NAALADL2: variants seen among roughly 807,000 people sequenced by gnomAD.
NAALADL2 encodes the protein N-acetylated alpha-linked acidic dipeptidase like 2.
In NAALADL2, 76 loss-of-function variants were observed where a neutral mutation model predicts 87.2. That is an observed-to-expected ratio of 0.87 (90% CI 0.72 to 1.05). The LOEUF is 1.05. Among genes scored for constraint, NAALADL2 ranks in the 50% least tolerant of loss-of-function variants. NAALADL2 has a pLI of 0.00. For synonymous variants in NAALADL2, 354 were observed against 331.0 expected (o/e 1.07, Z -0.75); for missense variants, 1,089 against 945.8 (o/e 1.15, Z -1.99).
At chr3:175,610,918 A>T (rs553106945) in intron 10 of NAALADL2, among the ~76,000 whole-genome samples, 20 of 152,096 alleles carry the variant, frequency 1.3e-4, no homozygotes, top group South Asian at 6.2e-4. Flanking sequence ...TATGATGAAA[A>T]TACAGTATGC....
At chr3:175,686,123 TA>T (rs1736262386) in intron 11 of NAALADL2, among the ~76,000 whole-genome samples, 1 of 152,212 alleles carries the variant, frequency 6.6e-6, no homozygotes, top group South Asian at 2.1e-4. Context: ...TGAATCCTAT[TA>T]AAAACTGATT....
At chr3:175,685,817 A>G (rs1248724701) in intron 11 of NAALADL2, among the ~76,000 whole-genome samples, 2 of 152,138 alleles carry the variant, frequency 1.3e-5, no homozygotes, top group Admixed American at 6.6e-5. Flanking sequence ...AGGAAGAGTC[A>G]GTCTTCTTGT....
At chr3:175,069,199 G>T (rs1016228317) in intron 1 of NAALADL2, among the ~76,000 whole-genome samples, 23 of 149,306 alleles carry the variant, frequency 1.5e-4, no homozygotes, top group Non-Finnish European at 2.9e-4. Flanking sequence ...CACAGCAAAA[G>T]AAACTACCAT....
At chr3:175,682,853 C>G (rs550689217) in intron 11 of NAALADL2, among the ~76,000 whole-genome samples, 1 of 152,070 alleles carries the variant, frequency 6.6e-6, no homozygotes, top group South Asian at 2.1e-4. Context: ...CATTCTTATT[C>G]TTTTATAAAA....
At chr3:174,908,810 C>A (rs940784428) in intron 1 of NAALADL2, among the ~76,000 whole-genome samples, 1 of 151,874 alleles carries the variant, frequency 6.6e-6, no homozygotes, top group Non-Finnish European at 1.5e-5. Flanking sequence ...TTTTTACAAC[C>A]AATTATTAGA....
intron 5 of NAALADL2, among the ~76,000 whole-genome samples, chr3:175,394,242 A>C (rs950966267): frequency 1.3e-5 from 2 of 152,216 alleles, no homozygotes; most frequent in Admixed American, 1.3e-4. Context: ...GATGAAAAAA[A>C]AGTCGGTTAA....
chr3:175,321,016 G>A (rs533133238), intron 4 of NAALADL2, among the ~76,000 whole-genome samples: 13 of 151,558 alleles, frequency 8.6e-5, no homozygotes, highest in East Asian at 5.9e-4. Context: ...TACCAAAGCC[G>A]GGCAGAGACA....
intron 3 of NAALADL2, among the ~76,000 whole-genome samples, chr3:174,816,850 C>G (rs970855308): frequency 6.6e-6 from 1 of 152,150 alleles, no homozygotes; most frequent in Non-Finnish European, 1.5e-5. Flanking sequence ...ATTTCTAAAA[C>G]CAGCTCAATG....
At chr3:174,675,485 G>A (rs1007428918) in intron 2 of NAALADL2, among the ~76,000 whole-genome samples, 2 of 151,984 alleles carry the variant, frequency 1.3e-5, no homozygotes, top group Admixed American at 1.3e-4. Context: ...GGCAACATAG[G>A]CTTTGCTGCA....
At chr3:175,721,897 A>C (rs1417798506) in intron 11 of NAALADL2, among the ~76,000 whole-genome samples, 1 of 152,086 alleles carries the variant, frequency 6.6e-6, no homozygotes, top group Non-Finnish European at 1.5e-5. Flanking sequence ...AATGCATTAT[A>C]ATAAAGTGTC....
chr3:174,939,237 C>T (rs954717798), intron 1 of NAALADL2, among the ~76,000 whole-genome samples: 3 of 152,050 alleles, frequency 2.0e-5, no homozygotes, highest in African/African-American at 7.2e-5. Context: ...CCAGTTATCC[C>T]AGCACCATTT....
chr3:174,845,428 C>T (rs1724511318), intron 3 of NAALADL2, among the ~76,000 whole-genome samples: 1 of 152,138 alleles, frequency 6.6e-6, no homozygotes, highest in Non-Finnish European at 1.5e-5. Context: ...CTGAGGAGGG[C>T]TTTTTCCTAG....
intron 1 of NAALADL2, among the ~76,000 whole-genome samples, chr3:174,974,548 G>A (rs1579810788): frequency 2.0e-5 from 3 of 152,236 alleles, no homozygotes; most frequent in Admixed American, 2.0e-4. Flanking sequence ...TTAAAACAGG[G>A]ACAGGCACAT....
At chr3:174,724,758 T>C (rs1355168540) in intron 2 of NAALADL2, among the ~76,000 whole-genome samples, 5 of 152,226 alleles carry the variant, frequency 3.3e-5, no homozygotes, top group African/African-American at 1.2e-4. Flanking sequence ...ATGATACTTC[T>C]GATGGAATAG....
chr3:175,743,286 C>G (rs1021634351), intron 12 of NAALADL2, among the ~76,000 whole-genome samples: 3 of 152,212 alleles, frequency 2.0e-5, no homozygotes, highest in African/African-American at 7.2e-5. Flanking sequence ...CAGGCATGAG[C>G]CACCATGCCC....
At chr3:175,426,868 AG>A (rs1156681459) in intron 5 of NAALADL2, among the ~76,000 whole-genome samples, 1 of 152,178 alleles carries the variant, frequency 6.6e-6, no homozygotes, top group Non-Finnish European at 1.5e-5. Context: ...TTATGGTGTC[AG>A]AGAGAGTGCT....
chr3:175,415,583 A>G (rs1714474297), intron 5 of NAALADL2, among the ~76,000 whole-genome samples: 1 of 152,152 alleles, frequency 6.6e-6, no homozygotes, highest in Non-Finnish European at 1.5e-5. Flanking sequence ...AAAATACCAA[A>G]CACATGCATA....
chr3:175,152,270 T>G (rs1731658922), intron 2 of NAALADL2, among the ~76,000 whole-genome samples: 1 of 152,186 alleles, frequency 6.6e-6, no homozygotes, highest in Admixed American at 6.5e-5. Context: ...TCTGAGATCA[T>G]AGATCTAGTT....
intron 1 of NAALADL2, among the ~76,000 whole-genome samples, chr3:174,534,221 A>G (rs1578108719): frequency 6.6e-6 from 1 of 152,326 alleles, no homozygotes; most frequent in East Asian, 1.9e-4. Context: ...AAACTAGGAC[A>G]TTGTTTAATA....
Sources: allele counts gnomAD v4.1 joint callset (sites outside exome capture counted in the v4.1 genomes callset), GRCh38; gene constraint gnomAD v4.1.1; transcripts MANE v1.5; gene names NCBI Gene and HGNC (gene_info 2026-07-23, HGNC 2026-07-21).